PIAS2: variants seen among roughly 807,000 people sequenced by gnomAD.
The protein encoded by PIAS2 is protein inhibitor of activated STAT 2.
Under a neutral mutation model 69.7 loss-of-function variants are expected in PIAS2, and 19 were observed. The ratio of observed to expected loss-of-function variants is 0.27; its 90% CI spans 0.19 to 0.40. PIAS2 has a LOEUF of 0.40. PIAS2 is among the 10% of genes least tolerant of loss of function. The pLI, the probability that PIAS2 is intolerant of heterozygous loss-of-function variation, is 1.00. For synonymous variants in PIAS2, 261 were observed against 263.2 expected (o/e 0.99, Z 0.08); for missense variants, 624 against 757.0 (o/e 0.82, Z 2.06).
intron 2 of PIAS2, among the ~76,000 whole-genome samples, chr18:46,873,152 G>A (rs2050631380): frequency 6.6e-6 from 1 of 152,266 alleles, no homozygotes; most frequent in African/African-American, 2.4e-5. Flanking sequence ...AAACTTGGTG[G>A]TGACCACACC....
At chr18:46,842,612 C>G (rs575638252) in intron 8 of PIAS2, among the ~76,000 whole-genome samples, 2 of 152,066 alleles carry the variant, frequency 1.3e-5, no homozygotes, top group East Asian at 1.9e-4. Context: ...GTTTTTTAAC[C>G]AACAAAAAGG....
intron 8 of PIAS2, 189 bp downstream of exon 8, chr18:46,843,865 T>C (rs1392756723): frequency 4.8e-6 from 2 of 417,986 alleles, no homozygotes; most frequent in Non-Finnish European, 4.4e-6. Context: ...ATCTTCCCTC[T>C]TCTTTGTATT....
At chr18:46,860,537 A>G (rs1221781259) in intron 3 of PIAS2, among the ~76,000 whole-genome samples, 1 of 152,160 alleles carries the variant, frequency 6.6e-6, no homozygotes, top group East Asian at 1.9e-4. Flanking sequence ...TCAGGGAGAG[A>G]GGTATATCAA....
At position 46,812,535 on chromosome 18, in the gene PIAS2, G is replaced by T. The variant is rs1319038222; in HGVS notation, c.1764C>A (p.Ser588=). The change falls in exon 14 of 14, where the codon TCC becomes TCA. Residue 588 remains serine (S), a synonymous_variant. Coordinates refer to ENST00000585916, the MANE Select transcript of PIAS2 (RefSeq NM_004671.5). ...ASSTSVTTTS[S]HESSTHVSSS... ...AACTAACATGAGTACTGCTTTCATG[G>T]GAGCTGGTGGTGGTGACAGACGTAC... 2 of 1,612,790 alleles carry T rather than the reference G, an allele frequency of 1.2e-6. No individual in the cohort carries two copies. The highest frequency in any genetic ancestry group is 1.7e-6 in the Non-Finnish European group (2 of 1,178,998).
intron 8 of PIAS2, among the ~76,000 whole-genome samples, chr18:46,840,414 A>G (rs562820483): frequency 1.2e-4 from 18 of 152,148 alleles, no homozygotes; most frequent in Non-Finnish European, 2.4e-4. Context: ...TATTATTATA[A>G]AAAGTTTTAA....
chr18:46,916,433 G>A (rs1396662676), intron 1 of PIAS2, among the ~76,000 whole-genome samples: 5 of 151,112 alleles, frequency 3.3e-5, no homozygotes, highest in African/African-American at 1.2e-4. Flanking sequence ...GTTTCTGTCC[G>A]TAAACATCTC....
chr18:46,821,400 TG>T (rs2042165176), intron 11 of PIAS2, among the ~76,000 whole-genome samples: 1 of 152,176 alleles, frequency 6.6e-6, no homozygotes, highest in Non-Finnish European at 1.5e-5. Context: ...AATATGTATA[TG>T]GGTATCAGTA....
chr18:46,816,880 AATG>A (rs1215049946), intron 12 of PIAS2: 20 of 953,848 alleles, frequency 2.1e-5, no homozygotes, highest in Non-Finnish European at 2.4e-5. Context: ...TCTCTATTAA[AATG>A]ATAATAGGTG....
At chr18:46,867,659 C>G (rs1164332891) in intron 2 of PIAS2, among the ~76,000 whole-genome samples, 3 of 152,118 alleles carry the variant, frequency 2.0e-5, no homozygotes, top group Non-Finnish European at 4.4e-5. Flanking sequence ...CAAACCTTTC[C>G]TTTTTCAACA....
At chr18:46,812,781 GC>G (rs1298315021) in intron 13 of PIAS2, among the ~76,000 whole-genome samples, 169 bp from the exon 14 acceptor site, 2 of 152,080 alleles carry the variant, frequency 1.3e-5, no homozygotes, top group Non-Finnish European at 2.9e-5. Flanking sequence ...CATGAATTTA[GC>G]TATTTTACAT....
At chr18:46,894,069 T>C (rs1452742088) in intron 1 of PIAS2, among the ~76,000 whole-genome samples, 2 of 152,108 alleles carry the variant, frequency 1.3e-5, no homozygotes, top group Non-Finnish European at 2.9e-5. Context: ...GAAGTTGCAG[T>C]GAGCCAAGAC....
upstream of PIAS2, chr18:46,920,103 T>C: frequency 2.3e-6 from 3 of 1,289,418 alleles, no homozygotes; most frequent in Non-Finnish European, 3.0e-6. Context: ...ATTCTGCCCC[T>C]TCCTCAATGT....
intron 8 of PIAS2, among the ~76,000 whole-genome samples, chr18:46,838,935 T>A (rs2044872459): frequency 6.6e-6 from 1 of 152,206 alleles, no homozygotes; most frequent in Non-Finnish European, 1.5e-5. Flanking sequence ...TGCTAAGTTT[T>A]TGTTCTATTA....
At chr18:46,827,534 G>A (rs1438752717) in intron 11 of PIAS2, 1 of 155,332 alleles carries the variant, frequency 6.4e-6, no homozygotes, top group Non-Finnish European at 1.4e-5. Context: ...CCATTTAACA[G>A]AACACAAAAA....
intron 3 of PIAS2, 62 bp downstream of exon 3, chr18:46,864,102 G>C (rs2049059926): frequency 1.0e-6 from 1 of 955,562 alleles, no homozygotes. Flanking sequence ...ATTTTGTTAT[G>C]GCAGCCCTAC....
intron 8 of PIAS2, among the ~76,000 whole-genome samples, chr18:46,837,106 A>G (rs1568437928): frequency 6.6e-6 from 1 of 152,150 alleles, no homozygotes; most frequent in African/African-American, 2.4e-5. Context: ...AGATTTTTAT[A>G]TTTATAATAT....
chr18:46,905,524 T>A (rs1371983127), intron 1 of PIAS2, among the ~76,000 whole-genome samples: 1 of 151,820 alleles, frequency 6.6e-6, no homozygotes, highest in African/African-American at 2.4e-5. Context: ...CTAAAGAGCA[T>A]AAACAATATC....
At chr18:46,843,864 C>T in intron 8 of PIAS2, 190 bp downstream of exon 8, 3 of 416,980 alleles carry the variant, frequency 7.2e-6, no homozygotes, top group Non-Finnish European at 1.3e-5. Context: ...TATCTTCCCT[C>T]TTCTTTGTAT....
Position 46,890,721 on chromosome 18 carries a change from A to G in PIAS2, c.358T>C (p.Ser120Pro). The G allele has an allele frequency of 6.2e-7, 1 of 1,614,160 alleles. No individual in the cohort carries two copies. Among genetic ancestry groups the G allele is most frequent in the Non-Finnish European group, 8.5e-7 (1 of 1,180,026 alleles). ...TPHSPSSPVG[S>P]VLLQDTKPTF... is the part of the protein sequence containing the mutation. ...GGCTTAGTATCTTGAAGCAGCACAG[A>G]ACCAACAGGAGAGGATGGTGAGTGA... is the stretch of plus-strand genomic sequence containing the variant. Residue 120 changes from serine (S) to proline (P), a missense_variant, in exon 2 of 14, where the codon TCT becomes CCT. Transcript: ENST00000585916.
Sources: gnomAD v4.1 joint callset for allele counts (sites outside exome capture counted in the v4.1 genomes callset) on GRCh38, gnomAD v4.1.1 for gene constraint, MANE v1.5 for transcripts, NCBI Gene and HGNC (gene_info 2026-07-23, HGNC 2026-07-21) for gene names.